Variants in FOXP1 observed in about 807,000 individuals in gnomAD.
FOXP1 encodes forkhead box protein P1.
Under a neutral mutation model 98.2 loss-of-function variants are expected in FOXP1, and 15 were observed. The observed-to-expected ratio is 0.15, with a 90% CI of 0.10 to 0.24. The LOEUF is 0.24. Among genes scored for constraint, FOXP1 ranks in the 10% least tolerant of loss-of-function variants. The pLI is 1.00. For missense variants in FOXP1, 633 were observed against 848.5 expected (o/e 0.75, Z 3.15); for synonymous variants, 371 against 314.5 (o/e 1.18, Z -1.90).
chr3:71,582,764 G>A (rs1578280962), intron 1 of FOXP1: 1 of 985,390 alleles, frequency 1.0e-6, no homozygotes, highest in South Asian at 4.7e-5. Flanking sequence ...GCGCGTAGGG[G>A]TGCGTGTCTG....
chr3:71,248,874 C>T (rs1034831542), intron 5 of FOXP1, among the ~76,000 whole-genome samples: 11 of 152,120 alleles, frequency 7.2e-5, no homozygotes, highest in Non-Finnish European at 1.5e-4. Flanking sequence ...CTGGTTCACA[C>T]AATAGGCCTC....
intron 5 of FOXP1, among the ~76,000 whole-genome samples, chr3:71,242,598 T>C (rs563922826): frequency 2.0e-5 from 3 of 152,328 alleles, no homozygotes; most frequent in East Asian, 1.9e-4. Context: ...AGAGTTTCTA[T>C]ACAAAAAGAT....
chr3:71,562,932 C>T (rs920244325), intron 2 of FOXP1, among the ~76,000 whole-genome samples: 2 of 152,194 alleles, frequency 1.3e-5, no homozygotes, highest in African/African-American at 2.4e-5. Flanking sequence ...CATGCAATCG[C>T]TCCCTGTTCT....
At position 71,197,938 on chromosome 3, in the gene FOXP1, C is replaced by G. The variant is rs868438439; in HGVS notation, c.180+264G>C. The G allele has an allele frequency of 5.6e-6, 9 of 1,614,178 alleles. No individual in the cohort carries two copies. In the Middle Eastern group the frequency reaches 1.5e-3, roughly 266 times the overall value. On this transcript the variant is annotated intron_variant, in intron 6 of 20. Coordinates refer to ENST00000649528, the MANE Select transcript of FOXP1 (RefSeq NM_001349338.3). Reference sequence around the variant, plus strand: ...GGAAGGGTTAGGCTGACACACAGGTCCACTCATCTTCGTCTCAGCAACTGC... The same window carrying G: ...GGAAGGGTTAGGCTGACACACAGGTGCACTCATCTTCGTCTCAGCAACTGC...
At chr3:71,560,228 C>T (rs2046433795) in intron 2 of FOXP1, among the ~76,000 whole-genome samples, 1 of 152,192 alleles carries the variant, frequency 6.6e-6, no homozygotes, top group Admixed American at 6.5e-5. Flanking sequence ...ATTGTCACCA[C>T]CACTGTGTAA....
At chr3:71,110,900 C>T (rs748371716) in intron 7 of FOXP1, among the ~76,000 whole-genome samples, 1 of 152,190 alleles carries the variant, frequency 6.6e-6, no homozygotes, top group East Asian at 1.9e-4. Flanking sequence ...CCCCTGCATG[C>T]GCACGCATTC....
At chr3:71,384,989 A>C (rs756045367) in intron 3 of FOXP1, among the ~76,000 whole-genome samples, 18 of 152,184 alleles carry the variant, frequency 1.2e-4, no homozygotes, top group African/African-American at 2.4e-4. Flanking sequence ...TTGAGCAATA[A>C]TACAGCATTT....
intron 1 of FOXP1, 99 bp downstream of exon 1, chr3:71,583,472 T>C: frequency 1.0e-6 from 1 of 983,306 alleles, no homozygotes; most frequent in Non-Finnish European, 1.2e-6. Context: ...TTTCTTTTTT[T>C]TTTTTTGTGC....
chr3:71,110,351 T>C lies in FOXP1; in HGVS notation c.282+2185A>G, dbSNP rs537128095. Among the ~76,000 whole-genome samples the C allele has an allele frequency of 1.2e-4, 19 of 152,308 alleles. 1 individual carries two copies. Among genetic ancestry groups the C allele is most frequent in the African/African-American group, 4.6e-4 (19 of 41,572 alleles). On this transcript the variant is annotated intron_variant, in intron 7 of 20. Coordinates refer to ENST00000649528, the MANE Select transcript of FOXP1 (RefSeq NM_001349338.3). ...GCAGTGTGATCAGACAGATTGTGTA[T>C]GTGTGTGTTTTTTTATTATCTCTAA...
chr3:71,406,775 T>C (rs535735648), intron 3 of FOXP1, among the ~76,000 whole-genome samples: 25 of 152,246 alleles, frequency 1.6e-4, no homozygotes, highest in Admixed American at 9.8e-4. Context: ...CTGACAATTC[T>C]GCCTCCAGAT....
chr3:71,112,996 G>A (rs534691199), intron 6 of FOXP1, among the ~76,000 whole-genome samples: 26 of 152,196 alleles, frequency 1.7e-4, no homozygotes, highest in African/African-American at 5.5e-4. Flanking sequence ...AGACACTACA[G>A]GGCCCTTTTC....
chr3:71,492,325 G>A (rs1327398317), intron 3 of FOXP1, among the ~76,000 whole-genome samples: 5 of 151,876 alleles, frequency 3.3e-5, no homozygotes, highest in African/African-American at 4.8e-5. Context: ...GGTGGCGGGC[G>A]CCTGTAATCT....
intron 5 of FOXP1, among the ~76,000 whole-genome samples, chr3:71,228,420 A>C (rs2066011490): frequency 6.6e-6 from 1 of 152,184 alleles, no homozygotes. Context: ...ATGAAGGTAA[A>C]GGGCACAAGG....
At chr3:71,088,836 C>T (rs1214825053) in intron 7 of FOXP1, among the ~76,000 whole-genome samples, 1 of 152,134 alleles carries the variant, frequency 6.6e-6, no homozygotes, top group Non-Finnish European at 1.5e-5. Flanking sequence ...AGAAAGAAAT[C>T]GAACTCACCA....
At chr3:71,307,550 C>T (rs1237680599) in intron 4 of FOXP1, among the ~76,000 whole-genome samples, 1 of 152,196 alleles carries the variant, frequency 6.6e-6, no homozygotes, top group Non-Finnish European at 1.5e-5. Context: ...ATTTTGTCCA[C>T]CCTTTTGCCT....
intron 5 of FOXP1, among the ~76,000 whole-genome samples, chr3:71,262,281 A>C (rs965650879): frequency 2.1e-5 from 3 of 144,784 alleles, no homozygotes; most frequent in Admixed American, 6.8e-5. Flanking sequence ...AAAAAAAAAA[A>C]AAAAAAAAAA....
intron 14 of FOXP1, among the ~76,000 whole-genome samples, chr3:70,978,784 AC>A (rs532982529): frequency 8.7e-4 from 132 of 152,230 alleles, no homozygotes; most frequent in Middle Eastern, 6.8e-3. Flanking sequence ...ATTATGAATA[AC>A]CTTTATTAAA....
chr3:71,238,377 A>G (rs9310212), intron 5 of FOXP1, among the ~76,000 whole-genome samples: 12,443 of 152,240 alleles, frequency 0.082, 582 homozygotes, highest in East Asian at 0.17. Context: ...TACCTGGAAC[A>G]CTACTGCCGT....
At chr3:71,043,580 T>C (rs75791885) in intron 10 of FOXP1, among the ~76,000 whole-genome samples, 2,622 of 152,292 alleles carry the variant, frequency 0.017, 28 homozygotes, top group Non-Finnish European at 0.026. Context: ...TGTCTGTTGA[T>C]GATGGCATAC....
Sources: allele counts gnomAD v4.1 joint callset (sites outside exome capture counted in the v4.1 genomes callset), GRCh38; gene constraint gnomAD v4.1.1; transcripts MANE v1.5; gene names NCBI Gene and HGNC (gene_info 2026-07-23, HGNC 2026-07-21).